Variants in ATP8A2 observed in about 807,000 individuals in gnomAD.
The protein encoded by ATP8A2 is ATPase phospholipid transporting 8A2.
Under a neutral mutation model 165.6 loss-of-function variants are expected in ATP8A2, and 100 were observed. The ratio of observed to expected loss-of-function variants is 0.60; its 90% CI spans 0.51 to 0.71. ATP8A2 has a LOEUF of 0.71. Ranked by LOEUF, ATP8A2 falls within the 30% of genes least tolerant of loss-of-function variation. ATP8A2 has a pLI of 0.00. For synonymous variants in ATP8A2, 543 were observed against 548.8 expected, an observed-to-expected ratio of 0.99 and a Z score of 0.15; for missense variants, 1,227 against 1,479.5, an observed-to-expected ratio of 0.83 and a Z score of 2.80.
In ATP8A2 at chr13:26,021,788, A is replaced by C. The variant is rs1957085976; in HGVS notation, c.*1803A>C. The C allele has an allele frequency of 6.6e-6, 1 of 152,076 alleles. No individual in the cohort carries two copies. Among genetic ancestry groups the C allele is most frequent in the East Asian group, 1.9e-4 (1 of 5,188 alleles). The allele number at this position is 152,076 out of a possible 1,614,324, so 9.4% of individuals were successfully genotyped here. On this transcript the variant is annotated 3_prime_UTR_variant, in exon 37 of 37. Coordinates refer to ENST00000381655, the MANE Select transcript of ATP8A2 (RefSeq NM_016529.6). ...TGTGCAGCGAAGGAGCACACCTGTC[A>C]CTCTTAGCTCTAGAGTCGGAGGATG...
chr13:25,512,252 C>T (rs1317761918), intron 2 of ATP8A2, among the ~76,000 whole-genome samples: 1 of 152,230 alleles, frequency 6.6e-6, no homozygotes, highest in Non-Finnish European at 1.5e-5. Context: ...TTTCTTAGTA[C>T]AGAACAAAAA....
At chr13:25,728,277 T>C (rs766058346) in intron 25 of ATP8A2, among the ~76,000 whole-genome samples, 3 of 152,228 alleles carry the variant, frequency 2.0e-5, no homozygotes, top group Non-Finnish European at 4.4e-5. Context: ...CTCTGCCACT[T>C]ACCAGCTTTA....
At chr13:25,813,724 A>G (rs1333547077) in intron 27 of ATP8A2, among the ~76,000 whole-genome samples, 1 of 152,112 alleles carries the variant, frequency 6.6e-6, no homozygotes, top group South Asian at 2.1e-4. Context: ...TTACTGAGCC[A>G]TGGGATGCCC....
intron 25 of ATP8A2, among the ~76,000 whole-genome samples, chr13:25,730,937 G>A (rs990788871): frequency 2.0e-5 from 3 of 151,816 alleles, no homozygotes; most frequent in Non-Finnish European, 4.4e-5. Flanking sequence ...TAGCCAGGTT[G>A]GCGGCACATA....
At chr13:25,651,571 TTTTTA>T (rs2041814032) in intron 24 of ATP8A2, among the ~76,000 whole-genome samples, 1 of 138,988 alleles carries the variant, frequency 7.2e-6, no homozygotes, top group Admixed American at 7.2e-5. Context: ...CCTATCATCT[TTTTTA>T]TTTATGACTA....
At chr13:25,630,337 G>A (rs754527942) in intron 24 of ATP8A2, among the ~76,000 whole-genome samples, 21 of 152,134 alleles carry the variant, frequency 1.4e-4, no homozygotes, top group Non-Finnish European at 2.5e-4. Context: ...ATATTGTTGC[G>A]TGTGTCCAGG....
intron 30 of ATP8A2, among the ~76,000 whole-genome samples, chr13:25,855,700 G>A (rs1952144777): frequency 6.6e-6 from 1 of 152,274 alleles, no homozygotes; most frequent in South Asian, 2.1e-4. Context: ...CAATGGCTAG[G>A]TCACATGGTA....
chr13:25,506,959 A>ATC (rs1555285067), intron 2 of ATP8A2, among the ~76,000 whole-genome samples: 51 of 145,940 alleles, frequency 3.5e-4, no homozygotes, highest in Admixed American at 1.7e-3. Flanking sequence ...ATATATATAT[A>ATC]TATCTTATTT....
At chr13:25,888,403 T>G (rs763191749) in intron 33 of ATP8A2, among the ~76,000 whole-genome samples, 5 of 152,234 alleles carry the variant, frequency 3.3e-5, no homozygotes, top group Non-Finnish European at 7.3e-5. Context: ...ATAAGGGGAC[T>G]TTCCTTTTTC....
intron 35 of ATP8A2, among the ~76,000 whole-genome samples, chr13:26,006,884 T>A (rs1956750876): frequency 6.6e-6 from 1 of 152,000 alleles, no homozygotes; most frequent in Admixed American, 6.6e-5. Context: ...TCATAGTATA[T>A]AATTTTTTAA....
At chr13:25,937,515 A>G (rs748596549) in intron 33 of ATP8A2, among the ~76,000 whole-genome samples, 14 of 151,856 alleles carry the variant, frequency 9.2e-5, no homozygotes, top group Non-Finnish European at 1.5e-4. Flanking sequence ...AGACAGTTCT[A>G]TATAAGCAAA....
chr13:25,663,926 C>T (rs557476215), intron 24 of ATP8A2, among the ~76,000 whole-genome samples: 2 of 152,174 alleles, frequency 1.3e-5, no homozygotes, highest in African/African-American at 2.4e-5. Flanking sequence ...AGAAATTAGA[C>T]GGCCAGGCAT....
At position 25,594,190 on chromosome 13, in the gene ATP8A2, A is replaced by G. The variant is rs1029410062; in HGVS notation, c.2211+4491A>G. Among the ~76,000 whole-genome samples the G allele has an allele frequency of 3.9e-5, 6 of 152,236 alleles. No individual in the cohort carries two copies. In the East Asian group the frequency reaches 1.2e-3, roughly 29 times the overall value. On this transcript the variant is annotated intron_variant, in intron 24 of 36. Transcript: ENST00000381655. The stretch of plus-strand genomic sequence containing the variant: ...TTACCAGCAATTTATTTTTTAAAGA[A>G]TGTAGTAATCTAATCATTTACTCTA...
At chr13:25,606,703 C>G (rs984865843) in intron 24 of ATP8A2, among the ~76,000 whole-genome samples, 5 of 152,198 alleles carry the variant, frequency 3.3e-5, no homozygotes, top group Middle Eastern at 3.4e-3. Context: ...CCCCAGACAC[C>G]CATCCACCCA....
intron 30 of ATP8A2, among the ~76,000 whole-genome samples, chr13:25,846,837 A>C (rs1225139427): frequency 6.6e-6 from 1 of 152,210 alleles, no homozygotes. Flanking sequence ...GCATTAATTA[A>C]TAATCCCCTT....
intron 33 of ATP8A2, among the ~76,000 whole-genome samples, chr13:25,918,454 C>T (rs1215096204): frequency 1.3e-5 from 2 of 151,978 alleles, no homozygotes; most frequent in African/African-American, 2.4e-5. Context: ...CATGATTAAA[C>T]AAGAAAAAAG....
chr13:25,828,880 G>A (rs1951384186), intron 28 of ATP8A2, among the ~76,000 whole-genome samples: 1 of 152,098 alleles, frequency 6.6e-6, no homozygotes, highest in African/African-American at 2.4e-5. Context: ...GGGGCATGTA[G>A]AGCACTCTAG....
At chr13:25,736,996 A>T (rs1191695536) in intron 25 of ATP8A2, among the ~76,000 whole-genome samples, 2 of 152,166 alleles carry the variant, frequency 1.3e-5, no homozygotes, top group African/African-American at 4.8e-5. Flanking sequence ...CACAGACATA[A>T]CCTGAGTGCA....
At chr13:25,436,169 T>C (rs889237308) in intron 1 of ATP8A2, among the ~76,000 whole-genome samples, 1 of 152,068 alleles carries the variant, frequency 6.6e-6, no homozygotes, top group African/African-American at 2.4e-5. Flanking sequence ...GTCTGTCACA[T>C]GGGAACAGTG....
Sources: gnomAD v4.1 joint callset for allele counts (sites outside exome capture counted in the v4.1 genomes callset) on GRCh38, gnomAD v4.1.1 for gene constraint, MANE v1.5 for transcripts, NCBI Gene and HGNC (gene_info 2026-07-23, HGNC 2026-07-21) for gene names.